Variants in LIAT1 observed in about 807,000 individuals in gnomAD.
LIAT1 encodes ligand of ATE1.
the LIAT1 span, chr17:413,398 G>C: frequency 6.2e-7 from 1 of 1,614,244 alleles, no homozygotes; most frequent in Admixed American, 1.7e-5. Flanking sequence ...AGAAGGAAAG[G>C]ATTCGCATCT....
chr17:410,694 ACT>A, the LIAT1 span: 1 of 1,503,040 alleles, frequency 6.7e-7, no homozygotes, highest in Non-Finnish European at 8.9e-7. Flanking sequence ...TTCCCTGGAG[ACT>A]CTTTGGGGAC....
chr17:413,393 G>T, the LIAT1 span: 1 of 1,614,274 alleles, frequency 6.2e-7, no homozygotes, highest in Non-Finnish European at 8.5e-7. Flanking sequence ...GGCAGAGAAG[G>T]AAAGGATTCG....
At chr17:414,079 T>G in the LIAT1 span, 1 of 1,614,210 alleles carries the variant, frequency 6.2e-7, no homozygotes, top group Non-Finnish European at 8.5e-7. This position sits in a 1 kb window ranked among gnomAD's most constrained non-coding sequence, Gnocchi z 4.1. Context: ...CCCCAAAGCT[T>G]CTACACTCTG....
the LIAT1 span, chr17:413,400 T>G: frequency 2.5e-6 from 4 of 1,614,118 alleles, no homozygotes; most frequent in Non-Finnish European, 2.5e-6. Context: ...AAGGAAAGGA[T>G]TCGCATCTAT....
the LIAT1 span, chr17:410,439 C>T: frequency 5.8e-6 from 9 of 1,538,780 alleles, no homozygotes; most frequent in Non-Finnish European, 7.9e-6. Context: ...TGGGTTGCAG[C>T]CCAGCGGGCG....
chr17:412,865 C>T, the LIAT1 span, among the ~76,000 whole-genome samples: 1 of 152,244 alleles, frequency 6.6e-6, no homozygotes, highest in African/African-American at 2.4e-5. Context: ...GTTCCTGAAC[C>T]TTTTGGAGCT....
chr17:410,434 T>A, the LIAT1 span: 1 of 1,538,974 alleles, frequency 6.5e-7, no homozygotes, highest in Non-Finnish European at 8.7e-7. Flanking sequence ...CGGGTTGGGT[T>A]GCAGCCCAGC....
chr17:411,823 GC>G, the LIAT1 span, among the ~76,000 whole-genome samples: 1 of 152,216 alleles, frequency 6.6e-6, no homozygotes, highest in Non-Finnish European at 1.5e-5. Context: ...GAATGCAGGT[GC>G]CCGTGAGTGC....
the LIAT1 span, chr17:410,605 A>T: frequency 6.5e-7 from 1 of 1,544,976 alleles, no homozygotes; most frequent in South Asian, 1.2e-5. Flanking sequence ...GTGAAGAAGA[A>T]AAAAAGGAAG....
chr17:414,228 C>G, the LIAT1 span: 83 of 1,337,558 alleles, frequency 6.2e-5, no homozygotes, highest in Non-Finnish European at 7.7e-5. This position sits in a 1 kb window ranked among gnomAD's most constrained non-coding sequence, Gnocchi z 4.1. Flanking sequence ...AACAGATGTT[C>G]GGTACACGGA....
At chr17:413,955 C>G in the LIAT1 span, 1 of 1,614,234 alleles carries the variant, frequency 6.2e-7, no homozygotes, top group African/African-American at 1.3e-5. Context: ...GACCCCAATG[C>G]CGAGGAGGCC....
chr17:414,115 A>T, the LIAT1 span: 5 of 1,610,090 alleles, frequency 3.1e-6, no homozygotes, highest in East Asian at 1.1e-4. The surrounding 1 kb of genome is among the most constrained non-coding windows in gnomAD (Gnocchi z 4.1). Flanking sequence ...TGCTGGAGTG[A>T]AAATCTACCC....
chr17:413,422 G>C, the LIAT1 span: 8 of 1,614,126 alleles, frequency 5.0e-6, no homozygotes, highest in South Asian at 1.1e-5. Context: ...AACTGAATCG[G>C]AGAAAACGGT....
chr17:413,294 G>A, the LIAT1 span: 69 of 1,614,046 alleles, frequency 4.3e-5, no homozygotes, highest in Middle Eastern at 4.9e-4. Context: ...CTCCTCCACC[G>A]TCAGCCTCCC....
the LIAT1 span, chr17:413,443 G>A: frequency 1.2e-6 from 2 of 1,613,770 alleles, no homozygotes; most frequent in East Asian, 4.5e-5. Context: ...ACCGGTGCTT[G>A]GCCCTCAAGG....
chr17:410,623 C>T, the LIAT1 span: 33 of 1,542,526 alleles, frequency 2.1e-5, no homozygotes, highest in Admixed American at 1.8e-4. Context: ...AAGAAGAAGA[C>T]CAAGGGGTCT....
chr17:412,544 T>C, the LIAT1 span, among the ~76,000 whole-genome samples: 12 of 152,148 alleles, frequency 7.9e-5, 1 homozygote, highest in Admixed American at 7.2e-4. Context: ...TTTATGTGCA[T>C]GTTAAATAAT....
the LIAT1 span, among the ~76,000 whole-genome samples, chr17:411,627 G>A: frequency 3.9e-5 from 6 of 152,128 alleles, no homozygotes; most frequent in Non-Finnish European, 7.3e-5. Context: ...TTATCCATTC[G>A]CGTGTGTAGT....
At chr17:413,620 C>T in the LIAT1 span, 52 of 1,551,290 alleles carry the variant, frequency 3.4e-5, 3 homozygotes, top group Non-Finnish European at 3.8e-5. Context: ...ACCCCGACCC[C>T]GAGGCCCTCA....
Sources: gnomAD v4.1 joint callset for allele counts (sites outside exome capture counted in the v4.1 genomes callset) on GRCh38, gnomAD v4.1.1 for gene constraint, Gnocchi (gnomAD v3.1) non-coding constraint, MANE v1.5 for transcripts, NCBI Gene and HGNC (gene_info 2026-07-23, HGNC 2026-07-21) for gene names.